The following WASHC5 variants were observed in gnomAD, a reference collection of about 807,000 sequenced individuals.
WASHC5 encodes the protein WASH complex subunit 5, also known as WASH complex subunit strumpellin.
WASHC5 carries 101 observed loss-of-function variants against 150.4 expected under a neutral mutation model. The ratio of observed to expected loss-of-function variants is 0.67; its 90% CI spans 0.57 to 0.79. WASHC5 has a LOEUF of 0.79. Ranked by LOEUF, WASHC5 falls within the 30% of genes least tolerant of loss-of-function variation. WASHC5 has a pLI of 0.00. For synonymous variants in WASHC5, 467 were observed against 491.2 expected, an observed-to-expected ratio of 0.95 and a Z score of 0.65; for missense variants, 1,195 against 1,396.3, an observed-to-expected ratio of 0.86 and a Z score of 2.30.
chr8:125,042,468 AAAAGAC>A, intron 23 of WASHC5, among the ~76,000 whole-genome samples: 1 of 152,240 alleles, frequency 6.6e-6, no homozygotes, highest in East Asian at 1.9e-4. Context: ...ATTCAAGACA[AAAAGAC>A]AAATTTGTCC....
chr8:125,076,480 C>A lies in WASHC5; in HGVS notation c.732G>T (p.Pro244=), dbSNP rs146320386. The A allele has an allele frequency of 6.2e-7, 1 of 1,613,906 alleles. No individual in the cohort carries two copies. The highest frequency in any genetic ancestry group is 1.3e-5 in the African/African-American group (1 of 74,944). The stretch of plus-strand genomic sequence containing the variant: ...TTGCCAGGGCTGTGCTGCGATGCTC[C>A]GGCAAAGGATACGCTGAGACCTGCA... The part of the protein sequence containing the change: ...IYNQVSAYPL[P]EHRSTALANQ... Residue 244 remains proline (P), a synonymous_variant, in exon 7 of 29, where the codon CCG becomes CCT. Coordinates refer to ENST00000318410, the MANE Select transcript of WASHC5 (RefSeq NM_014846.4).
At chr8:125,060,213 A>C (rs1816551968) in intron 12 of WASHC5, among the ~76,000 whole-genome samples, 1 of 152,132 alleles carries the variant, frequency 6.6e-6, no homozygotes, top group Non-Finnish European at 1.5e-5. Flanking sequence ...TTGGCCGGGC[A>C]CGGTGGCTCA....
At chr8:125,058,696 C>T (rs1232488083) in intron 14 of WASHC5, among the ~76,000 whole-genome samples, 1 of 151,622 alleles carries the variant, frequency 6.6e-6, no homozygotes, top group Non-Finnish European at 1.5e-5. Context: ...GCACTCCAGC[C>T]TGGGAAACAA....
rs1376381388 is a variant in WASHC5 at position 125,049,079 on chromosome 8, A to G, written c.2306T>C (p.Ile769Thr). The G allele has an allele frequency of 2.5e-6, 4 of 1,613,902 alleles. No individual in the cohort carries two copies. The African/African-American group carries it at 4.0e-5, about 16-fold the overall frequency. Residue 769 changes from isoleucine (I) to threonine (T), a missense_variant, in exon 19 of 29, where the codon ATT (isoleucine) becomes ACT (threonine). Around this residue, in one of 3 missense-constraint regions of WASHC5, gnomAD observed 997 missense variants for 1,168.1 expected, o/e 0.85. Coordinates refer to ENST00000318410, the MANE Select transcript of WASHC5 (RefSeq NM_014846.4). The part of the protein sequence containing the change: ...QDYVNIYGLK[I>T]WQEEVSRIIN... ...GATACGAGATACTTCTTCCTGCCAA[A>G]TCTTCAGACCATAAATGTTGACATA... is the stretch of plus-strand genomic sequence containing the variant.
At chr8:125,066,501 C>T (rs888592812) in intron 10 of WASHC5, among the ~76,000 whole-genome samples, 2 of 152,168 alleles carry the variant, frequency 1.3e-5, no homozygotes, top group Admixed American at 6.5e-5. Flanking sequence ...TTATTATGCC[C>T]ATACAGGCTT....
intron 27 of WASHC5, 25 bp downstream of exon 27, chr8:125,032,216 C>T (rs114682751): frequency 2.0e-5 from 33 of 1,613,578 alleles, no homozygotes; most frequent in African/African-American, 2.7e-5. Flanking sequence ...AGAAGTCCCA[C>T]GTAGTCCTGG....
chr8:125,033,553 C>CT (rs113736246), intron 26 of WASHC5, among the ~76,000 whole-genome samples: 10,828 of 143,170 alleles, frequency 0.076, 1,286 homozygotes, highest in African/African-American at 0.26. Context: ...GCAGAGATTT[C>CT]TTTTTTTTTT....
At chr8:125,043,781 A>G in intron 23 of WASHC5, 44 bp downstream of exon 23, 1 of 1,379,346 alleles carries the variant, frequency 7.2e-7, no homozygotes, top group South Asian at 1.2e-5. Context: ...TAAAAAATTT[A>G]AAAATGTAAG....
intron 9 of WASHC5, among the ~76,000 whole-genome samples, chr8:125,070,987 G>A (rs1442932811): frequency 6.6e-6 from 1 of 152,240 alleles, no homozygotes; most frequent in African/African-American, 2.4e-5. Context: ...AGAGCTGTGA[G>A]ACAGGGGCTA....
intron 26 of WASHC5, chr8:125,032,759 T>C (rs1033646882): frequency 1.1e-5 from 3 of 276,742 alleles, no homozygotes; most frequent in East Asian, 8.8e-5. Context: ...ACATACTAGA[T>C]ACCCTGAACT....
chr8:125,063,631 T>C lies in WASHC5; in HGVS notation c.1299A>G (p.Ser433=), dbSNP rs750598437. Residue 433 remains serine (S), a synonymous_variant, in exon 11 of 29, where the codon TCA becomes TCG. Coordinates refer to ENST00000318410, the MANE Select transcript of WASHC5 (RefSeq NM_014846.4). Reference sequence around the variant, plus strand: ...AATGCTCCCATTTGGTTTGCTTTTCTGAAAGCATTTGCTTGAACATCTGTT... The same window carrying C: ...AATGCTCCCATTTGGTTTGCTTTTCCGAAAGCATTTGCTTGAACATCTGTT... The part of the protein sequence containing the change: ...ILKEMFKQML[S]EKQTKWEHYK... 3 of 1,613,854 alleles carry C rather than the reference T, an allele frequency of 1.9e-6. No homozygotes were observed. Among genetic ancestry groups the C allele is most frequent in the East Asian group, 2.2e-5 (1 of 44,866 alleles).
chr8:125,027,604 T>C (rs141942801), intron 28 of WASHC5, among the ~76,000 whole-genome samples: 21 of 152,224 alleles, frequency 1.4e-4, no homozygotes, highest in African/African-American at 4.8e-4. Flanking sequence ...ACAATGGACT[T>C]TGGGGACTTG....
chr8:125,044,042 T>C lies in WASHC5; in HGVS notation c.2720A>G (p.Asp907Gly), dbSNP rs200981536. 1.2e-6 allele frequency: 2 copies of C among 1,613,912 alleles called. No individual in the cohort carries two copies. The highest frequency in any genetic ancestry group is 1.3e-5 in the African/African-American group (1 of 75,050). ...AGCATTCATGAGGGTTTTTAAAGTGTCCTGAACAGTTCTGTCTCTCAGGAT... is the reference window on the plus strand; with the variant it reads ...AGCATTCATGAGGGTTTTTAAAGTGCCCTGAACAGTTCTGTCTCTCAGGAT... ...KIILRDRTVQ[D>G]TLKTLMNAVS... Residue 907 changes from aspartate (D) to glycine (G), a missense_variant, in exon 22 of 29, where the codon GAC (aspartate) becomes GGC (glycine). Asp to Gly is a moderately conservative substitution (Grantham distance 94, BLOSUM62 -1). Around this residue, in one of 3 missense-constraint regions of WASHC5, gnomAD observed 997 missense variants for 1,168.1 expected, o/e 0.85. Coordinates refer to ENST00000318410, the MANE Select transcript of WASHC5 (RefSeq NM_014846.4).
At chr8:125,044,953 T>G in intron 20 of WASHC5, 1 of 499,090 alleles carries the variant, frequency 2.0e-6, no homozygotes, top group South Asian at 2.0e-5. Flanking sequence ...TTCCATTGAG[T>G]TAGGGTGTTG....
In WASHC5 at chr8:125,083,185, T is replaced by C; in HGVS notation, c.260A>G (p.Asn87Ser). The change falls in exon 3 of 29, where the codon AAC becomes AGC. Residue 87 changes from asparagine (N) to serine (S), a missense_variant. Asn to Ser is a conservative substitution (Grantham distance 46, BLOSUM62 1). This residue lies in a region of WASHC5 where 195 missense variants were observed against 206.9 expected (regional missense o/e 0.94). Transcript: ENST00000318410. ...LQDLDEEFRE[N>S]NIEIVTRFYL... ...AAATCTGGTCACAATTTCTATGTTG[T>C]TTTCACGAAATTCTTCATCTAAATC... is the stretch of plus-strand genomic sequence containing the variant. 1.2e-6 allele frequency: 2 copies of C among 1,606,692 alleles called. No homozygotes were observed. The highest frequency in any genetic ancestry group is 1.7e-6 in the Non-Finnish European group (2 of 1,173,594).
intron 12 of WASHC5, among the ~76,000 whole-genome samples, chr8:125,060,198 T>C (rs753738697): frequency 2.6e-5 from 4 of 152,152 alleles, no homozygotes; most frequent in Admixed American, 1.3e-4. Flanking sequence ...TTTTAAATAA[T>C]AGAGTTGGCC....
At chr8:125,076,763 T>TAAAAAAAAAAAAAAAC (rs1817075850) in intron 6 of WASHC5, among the ~76,000 whole-genome samples, 87 of 120,938 alleles carry the variant, frequency 7.2e-4, no homozygotes, top group African/African-American at 3.7e-3. Context: ...AAAAAAAAAG[T>TAAAAAAAAAAAAAAAC]CCCATTCCTG....
At chr8:125,086,767 T>C (rs1817433171) in intron 1 of WASHC5, among the ~76,000 whole-genome samples, 1 of 152,172 alleles carries the variant, frequency 6.6e-6, no homozygotes, top group South Asian at 2.1e-4. Context: ...GAAGCTGCCA[T>C]GTAAGATGTC....
intron 11 of WASHC5, 74 bp downstream of exon 11, chr8:125,063,448 C>G: frequency 6.8e-7 from 1 of 1,480,608 alleles, no homozygotes; most frequent in South Asian, 1.1e-5. Flanking sequence ...TCTTTTTAAC[C>G]TGCCAGTTTC....
Sources: allele counts gnomAD v4.1 joint callset (sites outside exome capture counted in the v4.1 genomes callset), GRCh38; gene constraint gnomAD v4.1.1; regional missense constraint gnomAD v4.1.1; transcripts MANE v1.5; gene names NCBI Gene and HGNC (gene_info 2026-07-23, HGNC 2026-07-21).